Variants in KCTD19 observed in about 807,000 individuals in gnomAD.
KCTD19 encodes the protein potassium channel tetramerization domain containing 19.
In KCTD19, 67 loss-of-function variants were observed where a neutral mutation model predicts 103.5. The observed-to-expected ratio is 0.65, with a 90% CI of 0.53 to 0.79. The LOEUF (loss-of-function observed/expected upper bound fraction) is 0.79, where lower values mean the gene tolerates loss of function less well. Ranked by LOEUF, KCTD19 falls within the 30% of genes least tolerant of loss-of-function variation. The pLI is 0.00. For missense variants in KCTD19, 980 were observed against 1,136.1 expected (o/e 0.86, Z 1.98); for synonymous variants, 439 against 452.2 (o/e 0.97, Z 0.37).
At position 67,294,660 on chromosome 16, in the gene KCTD19, C is replaced by T; in HGVS notation, c.1510G>A (p.Glu504Lys). 6.2e-7 allele frequency: 1 copy of T among 1,613,782 alleles called. No individual in the cohort carries two copies. Among genetic ancestry groups the T allele is most frequent in the Non-Finnish European group, 8.5e-7 (1 of 1,179,744 alleles). Residue 504 changes from glutamate (E) to lysine (K), a missense_variant, in exon 11 of 16, where the codon GAA (glutamate) becomes AAA (lysine). Glu to Lys is a moderately conservative substitution (Grantham distance 56). Coordinates refer to ENST00000304372, the MANE Select transcript of KCTD19 (RefSeq NM_001100915.3). ...WTQEKESENE[E>K]AFSIRRLHVV... ...TGCAGCCTCCTGATGGAAAAAGCTT[C>T]TTCATTTTCAGATTCTTTCTCCTGA...
chr16:67,291,615 C>A, intron 13 of KCTD19, 31 bp downstream of exon 13: 1 of 1,601,570 alleles, frequency 6.2e-7, no homozygotes, highest in South Asian at 1.1e-5. Flanking sequence ...CACGAGGAGG[C>A]GCAGGGCTCG....
At chr16:67,308,093 A>G (rs1439769490) in intron 2 of KCTD19, among the ~76,000 whole-genome samples, 1 of 151,654 alleles carries the variant, frequency 6.6e-6, no homozygotes, top group East Asian at 1.9e-4. Context: ...TTCCTTTTGG[A>G]GGTCATATCC....
Position 67,294,638 on chromosome 16 carries a change from A to G in KCTD19, c.1532T>C (p.Leu511Pro). 1 of 1,614,198 alleles carries G rather than the reference A, an allele frequency of 6.2e-7. No individual in the cohort carries two copies. Among genetic ancestry groups the G allele is most frequent in the South Asian group, 1.1e-5 (1 of 91,080 alleles). The change falls in exon 11 of 16, where the codon CTG (leucine) becomes CCG (proline). Residue 511 changes from leucine to proline, a missense_variant. Transcript: ENST00000304372. Reference protein sequence around the residue: ...ENEEAFSIRRLHVVTEGPGSL... With the variant: ...ENEEAFSIRRPHVVTEGPGSL... ...CCCTGGCCCTTCTGTCACCACATGC[A>G]GCCTCCTGATGGAAAAAGCTTCTTC...
rs370642604 is a variant in KCTD19 at position 67,289,697 on chromosome 16, C to G, written c.2668-15G>C. The G allele has an allele frequency of 1.3e-6, 2 of 1,577,480 alleles. No individual in the cohort carries two copies. The highest frequency in any genetic ancestry group is 2.7e-5 in the African/African-American group (2 of 74,146). ...GGCAGTGTAAGCTGGAAGGAAAGGC[C>G]AGTCTTATCCCTGATTTCCTGGCCA... On this transcript the variant is annotated splice_polypyrimidine_tract_variant and intron_variant, in intron 15 of 15. Transcript: ENST00000304372.
rs550851992 is a variant in KCTD19 at position 67,315,323 on chromosome 16, T to G, written c.300+5266A>C. Among the ~76,000 whole-genome samples the G allele has an allele frequency of 4.0e-3, 597 of 150,052 alleles. 9 individuals carry two copies. Among genetic ancestry groups the G allele is most frequent in the African/African-American group, 0.014 (552 of 39,716 alleles). On this transcript the variant is annotated intron_variant, in intron 2 of 15. Transcript: ENST00000304372. ...TTTAACTATTCCTCTTTTTTTTTTT[T>G]TTGGGATAGTCTCACTCTGTTGCCC...
At chr16:67,306,292 G>A (rs1375403489) in intron 2 of KCTD19, among the ~76,000 whole-genome samples, 1 of 152,200 alleles carries the variant, frequency 6.6e-6, no homozygotes, top group Admixed American at 6.5e-5. Flanking sequence ...GAACATTAGA[G>A]TCTCGCTCTG....
Position 67,320,758 on chromosome 16 carries a change from G to A in KCTD19, c.131C>T (p.Ser44Leu). Residue 44 changes from serine to leucine, a missense_variant, in exon 2 of 16, where the codon TCA (serine) becomes TTA (leucine). Coordinates refer to ENST00000304372, the MANE Select transcript of KCTD19 (RefSeq NM_001100915.3). The surrounding 1 kb of genome is among the most constrained non-coding windows in gnomAD (Gnocchi z 4.0). ...FPDSLLWKEA[S>L]ALTSSESQRL... ...CTGGCTTTCTGAAGAGGTCAAGGCT[G>A]AAGCCTCTTTCCACAGCAGGGAGTC... 1 of 1,614,184 alleles carries A rather than the reference G, an allele frequency of 6.2e-7. No individual in the cohort carries two copies. The highest frequency in any genetic ancestry group is 8.5e-7 in the Non-Finnish European group (1 of 1,180,026).
intron 2 of KCTD19, among the ~76,000 whole-genome samples, chr16:67,308,699 ACT>A (rs2036919730): frequency 6.6e-6 from 1 of 151,796 alleles, no homozygotes; most frequent in African/African-American, 2.4e-5. Context: ...GACACTCAAC[ACT>A]TTCACTTCTC....
At position 67,300,391 on chromosome 16, in the gene KCTD19, G is replaced by T. The variant is rs2036820348; in HGVS notation, c.776-818C>A. 6.6e-6 allele frequency: 1 copy of T among 152,268 alleles called. No homozygotes were observed. Among genetic ancestry groups the T allele is most frequent in the African/African-American group, 2.4e-5 (1 of 41,468 alleles). The allele number at this position is 152,268 out of a possible 1,614,324, so 9.4% of individuals were successfully genotyped here. On this transcript the variant is annotated intron_variant, in intron 5 of 15. Transcript: ENST00000304372. This position sits in a 1 kb window ranked among gnomAD's most constrained non-coding sequence, Gnocchi z 4.5. ...CCACAGCTGTTTCCCTTATTGTGAT[G>T]CTTTGTAGAAAGCTAAAGCCACCCT...
At chr16:67,299,649 C>T (rs771350459) in intron 5 of KCTD19, 76 bp from the exon 6 acceptor site, 9 of 1,201,120 alleles carry the variant, frequency 7.5e-6, no homozygotes, top group Non-Finnish European at 1.1e-5. Context: ...GGCTCGGTTC[C>T]TACTGCTGCC....
At chr16:67,294,488 A>T in intron 11 of KCTD19, 92 bp downstream of exon 11, 1 of 872,126 alleles carries the variant, frequency 1.1e-6, no homozygotes, top group African/African-American at 1.7e-5. Context: ...ATTTTGCTGC[A>T]CCCACCAGTA....
rs764214445 is a variant in KCTD19, at chr16:67,304,441, A to G, written c.431T>C (p.Ile144Thr). The part of the protein sequence containing the change: ...KCISKPSEFP[I>T]KSPAFTGLHD... ...TTCACCTGTAAAGGCTGGGCTTTTA[A>G]TTGGAAATTCTGAGGGTTTGCTAAT... is the stretch of plus-strand genomic sequence containing the variant. Residue 144 changes from isoleucine (I) to threonine (T), a missense_variant, in exon 3 of 16, where the codon ATT (isoleucine) becomes ACT (threonine). Physicochemically the swap from Ile to Thr is moderately conservative, Grantham distance 89. Coordinates refer to ENST00000304372, the MANE Select transcript of KCTD19 (RefSeq NM_001100915.3). 1 of 1,613,884 alleles carries G rather than the reference A, an allele frequency of 6.2e-7. No homozygotes were observed. The highest frequency in any genetic ancestry group is 1.3e-5 in the African/African-American group (1 of 74,904).
intron 1 of KCTD19, among the ~76,000 whole-genome samples, chr16:67,322,298 C>G (rs2037082687): frequency 7.2e-6 from 1 of 138,260 alleles, no homozygotes; most frequent in African/African-American, 2.7e-5. Flanking sequence ...ACTATAAAAT[C>G]TTTTTTTTTT....
intron 1 of KCTD19, among the ~76,000 whole-genome samples, chr16:67,325,461 C>G (rs1265106679): frequency 1.3e-5 from 2 of 151,662 alleles, no homozygotes. Context: ...CCAGGATGGT[C>G]TCGATCTCCT....
intron 6 of KCTD19, among the ~76,000 whole-genome samples, chr16:67,298,206 G>A (rs1031134800): frequency 6.6e-6 from 1 of 151,958 alleles, no homozygotes; most frequent in African/African-American, 2.4e-5. Context: ...TGTAGGCCAG[G>A]ATGGTCTCAA....
In KCTD19 at chr16:67,304,512, A is replaced by G. The variant is rs1373979885; in HGVS notation, c.360T>C (p.Pro120=). The G allele has an allele frequency of 1.9e-6, 3 of 1,613,942 alleles. No individual in the cohort carries two copies. The highest frequency in any genetic ancestry group is 8.5e-7 in the Non-Finnish European group (1 of 1,179,898). The change falls in exon 3 of 16, where the codon CCT becomes CCC. Residue 120 remains proline (P), a synonymous_variant. Transcript: ENST00000304372. ...HHLRVRPADL[P]VAERASLNYW... ...AGTTCAGAGATGCTCTCTCAGCAAC[A>G]GGTAGGTCTGCAGGCCGTACGCGTA... is the stretch of plus-strand genomic sequence containing the variant.
chr16:67,296,505 G>A (rs1006387506), intron 7 of KCTD19, among the ~76,000 whole-genome samples: 1 of 152,138 alleles, frequency 6.6e-6, no homozygotes, highest in African/African-American at 2.4e-5. Flanking sequence ...AGGAAAGCTG[G>A]GTTGATGACC....
intron 4 of KCTD19, 199 bp from the exon 5 acceptor site, chr16:67,302,121 T>C (rs749889107): frequency 5.9e-6 from 3 of 510,592 alleles, no homozygotes; most frequent in Non-Finnish European, 1.0e-5. Context: ...TTTGTTTTCC[T>C]GTGTCTGAGG....
Position 67,320,451 on chromosome 16 carries a change from AT to A in KCTD19, c.300+137del. The A allele has an allele frequency of 1.2e-6, 1 of 829,116 alleles. No homozygotes were observed. The highest frequency in any genetic ancestry group is 1.7e-5 in the South Asian group (1 of 58,714). 51.4% of individuals were successfully genotyped at this position (829,116 alleles called of 1,614,324 possible). On this transcript the variant is annotated intron_variant, in intron 2 of 15. Transcript: ENST00000304372. The surrounding 1 kb of genome is among the most constrained non-coding windows in gnomAD (Gnocchi z 4.0). Reference sequence around the variant, plus strand: ...TCACCCCTATACTAATGAGGAAATTATTTATTACTTTAACACACTTATTACA... The same window carrying A: ...TCACCCCTATACTAATGAGGAAATTATTATTACTTTAACACACTTATTACA...
Sources: gnomAD v4.1 joint callset for allele counts (sites outside exome capture counted in the v4.1 genomes callset) on GRCh38, gnomAD v4.1.1 for gene constraint, Gnocchi (gnomAD v3.1) non-coding constraint, MANE v1.5 for transcripts, NCBI Gene and HGNC (gene_info 2026-07-23, HGNC 2026-07-21) for gene names.